The following ARHGAP25 variants were observed in gnomAD, a reference collection of about 807,000 sequenced individuals.
The protein encoded by ARHGAP25 is Rho GTPase activating protein 25, also known as rho GTPase-activating protein 25.
ARHGAP25 carries 34 observed loss-of-function variants against 71.0 expected under a neutral mutation model. The observed-to-expected ratio is 0.48, with a 90% CI of 0.36 to 0.64. The LOEUF (loss-of-function observed/expected upper bound fraction) is 0.64. ARHGAP25 is among the 30% of genes least tolerant of loss of function. The pLI is 0.00. For missense variants in ARHGAP25, 706 were observed against 805.1 expected, an observed-to-expected ratio of 0.88 and a Z score of 1.49; for synonymous variants, 282 against 296.5, an observed-to-expected ratio of 0.95 and a Z score of 0.50.
At chr2:68,810,576 C>T (rs1196483201) in intron 5 of ARHGAP25, among the ~76,000 whole-genome samples, 1 of 152,040 alleles carries the variant, frequency 6.6e-6, no homozygotes, top group Non-Finnish European at 1.5e-5. Context: ...TTTGAAGTAT[C>T]CATGGTGTAG....
chr2:68,711,614 C>G (rs1674483622), intron 2 of ARHGAP25, among the ~76,000 whole-genome samples: 2 of 152,054 alleles, frequency 1.3e-5, no homozygotes, highest in Non-Finnish European at 2.9e-5. Context: ...TGATTTGCTG[C>G]ACCCATCAAC....
intron 2 of ARHGAP25, among the ~76,000 whole-genome samples, chr2:68,717,007 C>T (rs1453682176): frequency 6.6e-6 from 1 of 152,084 alleles, no homozygotes; most frequent in Non-Finnish European, 1.5e-5. Flanking sequence ...AAGATATGTT[C>T]TGAGAAATAG....
Position 68,822,410 on chromosome 2 carries a change from A to G in ARHGAP25, c.1271A>G (p.Lys424Arg), listed in dbSNP as rs1163023184. ...PSDAFPEDSSKVPREKPGDWK... is the reference protein window; with the variant it reads ...PSDAFPEDSSRVPREKPGDWK... Reference sequence around the variant, plus strand: ...GATGCGTTTCCGGAGGACAGCAGCAAAGTACCCAGGGAAAAGCCAGGAGAC... The same window carrying G: ...GATGCGTTTCCGGAGGACAGCAGCAGAGTACCCAGGGAAAAGCCAGGAGAC... The change falls in exon 10 of 11, where the codon AAA becomes AGA. Residue 424 changes from lysine to arginine, a missense_variant. Coordinates refer to ENST00000409202, the MANE Select transcript of ARHGAP25 (RefSeq NM_001007231.3). The G allele has an allele frequency of 2.5e-6, 4 of 1,614,084 alleles. No homozygotes were observed. In the African/African-American group the frequency reaches 5.3e-5, roughly 22 times the overall value.
At chr2:68,719,594 G>A (rs972367618) in intron 2 of ARHGAP25, among the ~76,000 whole-genome samples, 1 of 151,988 alleles carries the variant, frequency 6.6e-6, no homozygotes, top group Non-Finnish European at 1.5e-5. Flanking sequence ...CTAGGGATTA[G>A]GATGTGGATA....
rs1243057796 is a variant in ARHGAP25 at position 68,767,690 on chromosome 2, G to T, written c.62-7531G>T. 6.6e-6 allele frequency among the ~76,000 whole-genome samples: 1 copy of T among 152,184 alleles called. No individual in the cohort carries two copies. Among genetic ancestry groups the T allele is most frequent in the Non-Finnish European group, 1.5e-5 (1 of 68,044 alleles). On this transcript the variant is annotated intron_variant, in intron 1 of 10. Coordinates refer to ENST00000409202, the MANE Select transcript of ARHGAP25 (RefSeq NM_001007231.3). This position sits in a 1 kb window ranked among gnomAD's most constrained non-coding sequence, Gnocchi z 4.6. Reference sequence around the variant, plus strand: ...GAGCTTGGGTAGCAGCTGGTAAGACGTGGCAGGATTACCTAATATGTCCGT... The same window carrying T: ...GAGCTTGGGTAGCAGCTGGTAAGACTTGGCAGGATTACCTAATATGTCCGT...
chr2:68,739,322 C>T (rs1009772124), intron 1 of ARHGAP25, among the ~76,000 whole-genome samples: 7 of 152,176 alleles, frequency 4.6e-5, no homozygotes, highest in African/African-American at 7.2e-5. Flanking sequence ...ATGGCCCTGG[C>T]GTGGGTATAC....
At chr2:68,825,935 GA>G in intron 10 of ARHGAP25, 51 bp from the exon 11 acceptor site, 3 of 1,483,702 alleles carry the variant, frequency 2.0e-6, no homozygotes, top group Non-Finnish European at 2.8e-6. Flanking sequence ...GGGGAAGGAA[GA>G]GTCTAGAATG....
At chr2:68,724,916 T>G (rs191136555) in intron 2 of ARHGAP25, among the ~76,000 whole-genome samples, 31 of 152,354 alleles carry the variant, frequency 2.0e-4, no homozygotes, top group African/African-American at 6.7e-4. Context: ...TATTGGCCAC[T>G]TCTCATCACC....
chr2:68,805,129 T>A (rs1051670302), intron 4 of ARHGAP25, among the ~76,000 whole-genome samples: 1 of 152,132 alleles, frequency 6.6e-6, no homozygotes, highest in Admixed American at 6.5e-5. Flanking sequence ...GTCCTCCTGG[T>A]GCAGCCAGGG....
rs1183028098 is a variant in ARHGAP25, at chr2:68,807,460, G to A, written c.654G>A (p.Gly218=). ...AGCTGAGAGACGCTTTTGATGCTGG[G>A]GAGCGGCCCTCCTTTGACAGGTACA... ...VKQLRDAFDA[G]ERPSFDRDTD... The change falls in exon 5 of 11, where the codon GGG becomes GGA. Residue 218 remains glycine (G), a synonymous_variant. Transcript: ENST00000409202. 3 of 1,614,156 alleles carry A rather than the reference G, an allele frequency of 1.9e-6. No homozygotes were observed. Among genetic ancestry groups the A allele is most frequent in the South Asian group, 2.2e-5 (2 of 91,084 alleles).
intron 4 of ARHGAP25, among the ~76,000 whole-genome samples, chr2:68,793,332 A>G (rs1182719217): frequency 1.3e-5 from 2 of 152,116 alleles, no homozygotes; most frequent in Non-Finnish European, 2.9e-5. Context: ...GGCCTTAGTC[A>G]TGAATTCTTT....
chr2:68,753,557 G>T (rs140592698), intron 1 of ARHGAP25, among the ~76,000 whole-genome samples: 16 of 152,294 alleles, frequency 1.1e-4, no homozygotes, highest in African/African-American at 2.6e-4. Context: ...GCGTGGCATC[G>T]CATGGCTTTC....
chr2:68,751,073 A>G (rs971095405), intron 1 of ARHGAP25, among the ~76,000 whole-genome samples: 1 of 152,208 alleles, frequency 6.6e-6, no homozygotes, highest in Non-Finnish European at 1.5e-5. Context: ...TTGGAATAAC[A>G]TTGCAGACTC....
chr2:68,799,500 C>G (rs947564507), intron 4 of ARHGAP25, among the ~76,000 whole-genome samples: 1 of 152,206 alleles, frequency 6.6e-6, no homozygotes, highest in Non-Finnish European at 1.5e-5. Flanking sequence ...GGGCTGGCTT[C>G]ATAAACGCTA....
chr2:68,762,904 C>T (rs1322834826), intron 1 of ARHGAP25, among the ~76,000 whole-genome samples: 1 of 152,038 alleles, frequency 6.6e-6, no homozygotes, highest in Non-Finnish European at 1.5e-5. Context: ...AAGGGAAACC[C>T]CCTAACACAT....
intron 10 of ARHGAP25, 55 bp from the exon 11 acceptor site, chr2:68,825,932 G>A: frequency 1.4e-6 from 2 of 1,480,554 alleles, no homozygotes; most frequent in East Asian, 2.3e-5. Flanking sequence ...AAGGGGGAAG[G>A]AAGAGTCTAG....
chr2:68,715,652 A>G (rs929030975), intron 2 of ARHGAP25, among the ~76,000 whole-genome samples: 3 of 152,206 alleles, frequency 2.0e-5, no homozygotes, highest in Non-Finnish European at 2.9e-5. Flanking sequence ...AGGTGAACCG[A>G]GGGAAGAACC....
At position 68,767,586 on chromosome 2, in the gene ARHGAP25, G is replaced by A. The variant is rs1055536227; in HGVS notation, c.62-7635G>A. Among the ~76,000 whole-genome samples, 6 of 151,930 alleles carry A rather than the reference G, an allele frequency of 3.9e-5. No individual in the cohort carries two copies. Among genetic ancestry groups the A allele is most frequent in the African/African-American group, 7.3e-5 (3 of 41,348 alleles). ...GGTGTGGGCCTGACTGCCGGCCCACGGTAGCTTAGCTCACTCTCTCTCCCT... is the reference window on the plus strand; with the variant it reads ...GGTGTGGGCCTGACTGCCGGCCCACAGTAGCTTAGCTCACTCTCTCTCCCT... On this transcript the variant is annotated intron_variant, in intron 1 of 10. Transcript: ENST00000409202. The surrounding 1 kb of genome is among the most constrained non-coding windows in gnomAD (Gnocchi z 4.6).
chr2:68,780,155 A>G (rs1246189111), intron 2 of ARHGAP25, among the ~76,000 whole-genome samples: 1 of 152,204 alleles, frequency 6.6e-6, no homozygotes, highest in Non-Finnish European at 1.5e-5. Flanking sequence ...TAGACTTCTT[A>G]TGAAGATTAG....
Sources: allele counts gnomAD v4.1 joint callset (sites outside exome capture counted in the v4.1 genomes callset), GRCh38; gene constraint gnomAD v4.1.1; non-coding constraint Gnocchi (gnomAD v3.1); transcripts MANE v1.5; gene names NCBI Gene and HGNC (gene_info 2026-07-23, HGNC 2026-07-21).